Variants in CNRIP1 observed in about 807,000 individuals in gnomAD.
CNRIP1 encodes CB1 cannabinoid receptor-interacting protein 1.
A neutral mutation model predicts 15.2 loss-of-function variants in CNRIP1; 10 were observed. That is an observed-to-expected ratio of 0.66 (90% CI 0.41 to 1.12). The LOEUF (loss-of-function observed/expected upper bound fraction) is 1.12, where lower values mean the gene tolerates loss of function less well. Ranked by LOEUF, CNRIP1 falls within the 50% of genes most tolerant of loss-of-function variation. CNRIP1 has a pLI of 0.00. For synonymous variants in CNRIP1, 91 were observed against 83.2 expected, an observed-to-expected ratio of 1.09 and a Z score of -0.51; for missense variants, 211 against 214.7, an observed-to-expected ratio of 0.98 and a Z score of 0.11.
chr2:68,303,874 T>C (rs1288279592), intron 2 of CNRIP1, among the ~76,000 whole-genome samples: 2 of 152,046 alleles, frequency 1.3e-5, no homozygotes, highest in African/African-American at 4.8e-5. Context: ...GTCAGGAGTT[T>C]GAGACCAGCT....
At chr2:68,315,381 G>T (rs72904270) in intron 2 of CNRIP1, among the ~76,000 whole-genome samples, 169 of 152,208 alleles carry the variant, frequency 1.1e-3, no homozygotes, top group African/African-American at 3.9e-3. Context: ...AAATTGCCTA[G>T]CTTTTCTGGA....
chr2:68,317,297 T>C lies in CNRIP1; in HGVS notation c.190A>G (p.Ile64Val). ...TCCAGTGGGACAAGCACACCACCAA[T>C]GGAAATATTCCTGCAATAGACTTGA... Reference protein sequence around the residue: ...PSTLQVENISIGGVLVPLELK... With the variant: ...PSTLQVENISVGGVLVPLELK... Residue 64 changes from isoleucine to valine, a missense_variant, in exon 2 of 3, where the codon ATT becomes GTT. By Grantham distance (29) the Ile-to-Val change is conservative. Coordinates refer to ENST00000263655, the MANE Select transcript of CNRIP1 (RefSeq NM_015463.3). 1 of 1,613,972 alleles carries C rather than the reference T, an allele frequency of 6.2e-7. No homozygotes were observed. The highest frequency in any genetic ancestry group is 1.1e-5 in the South Asian group (1 of 91,084).
At chr2:68,291,583 GA>G (rs34991157), downstream of CNRIP1, among the ~76,000 whole-genome samples, 2,092 of 146,384 alleles carry the variant, frequency 0.014, 49 homozygotes, top group African/African-American at 0.048. Flanking sequence ...AGTTAAAAAA[GA>G]AAAAAAAAAG....
At chr2:68,317,076 C>G (rs891528695) in intron 2 of CNRIP1, 81 bp downstream of exon 2, 1 of 1,550,852 alleles carries the variant, frequency 6.4e-7, no homozygotes, top group African/African-American at 1.4e-5. Context: ...CCTTTTCTTA[C>G]AGAGAGATAG....
intron 2 of CNRIP1, among the ~76,000 whole-genome samples, chr2:68,294,546 C>T (rs78892337): frequency 0.034 from 5,095 of 152,032 alleles, 289 homozygotes; most frequent in African/African-American, 0.12. Context: ...AGGGGAATGG[C>T]GAAGGGAAGA....
intron 2 of CNRIP1, among the ~76,000 whole-genome samples, chr2:68,303,125 C>A (rs1332884848): frequency 6.6e-6 from 1 of 152,110 alleles, no homozygotes; most frequent in Non-Finnish European, 1.5e-5. Flanking sequence ...GGATTACAGG[C>A]GTGAGTCACC....
intron 2 of CNRIP1, among the ~76,000 whole-genome samples, chr2:68,301,663 G>A (rs185882279): frequency 1.3e-3 from 192 of 152,072 alleles, no homozygotes; most frequent in African/African-American, 4.2e-3. Flanking sequence ...AGGCCGAGGC[G>A]GGTGGATCAA....
intron 2 of CNRIP1, among the ~76,000 whole-genome samples, chr2:68,314,258 A>C (rs1253901504): frequency 6.6e-6 from 1 of 152,126 alleles, no homozygotes; most frequent in Admixed American, 6.5e-5. Context: ...CCTGATATAC[A>C]GGAAATCCTC....
chr2:68,287,430 A>G lies in CNRIP1; in HGVS notation c.331-2946T>C, dbSNP rs80062003. On this transcript the variant is annotated intron_variant, in intron 2 of 2. Transcript: ENST00000409559. ...AAATGTTAACTGTGAAATTCAGGTG[A>G]TAGATATGGGAATGTGTGTTATGCA... Among the ~76,000 whole-genome samples, 569 of 152,364 alleles carry G rather than the reference A, an allele frequency of 3.7e-3. 4 individuals carry two copies. Among genetic ancestry groups the G allele is most frequent in the African/African-American group, 0.013 (547 of 41,584 alleles).
intron 2 of CNRIP1, chr2:68,316,061 G>A (rs1167568679): frequency 6.6e-6 from 1 of 152,140 alleles, no homozygotes; most frequent in Non-Finnish European, 1.5e-5. Context: ...TCAAACATTG[G>A]ATGCAAAGGG....
At position 68,318,908 on chromosome 2, in the gene CNRIP1, C is replaced by T. The variant is rs532180327; in HGVS notation, c.179+314G>A. The stretch of plus-strand genomic sequence containing the variant: ...CACCCCGACCGCCTGCGGTTCCGCG[C>T]CCAAGGCTGGACAGAAGGCAGGAGA... On this transcript the variant is annotated intron_variant, in intron 1 of 2. Coordinates refer to ENST00000263655, the MANE Select transcript of CNRIP1 (RefSeq NM_015463.3). Among the ~76,000 whole-genome samples the T allele has an allele frequency of 4.4e-4, 67 of 152,386 alleles. 1 individual carries two copies. The highest frequency in any genetic ancestry group is 1.6e-3 in the African/African-American group (66 of 41,594).
At chr2:68,318,692 C>T (rs1329536821) in intron 1 of CNRIP1, among the ~76,000 whole-genome samples, 2 of 152,236 alleles carry the variant, frequency 1.3e-5, no homozygotes, top group Admixed American at 6.5e-5. Context: ...AGGGTCCCAG[C>T]CACTGAATGG....
downstream of CNRIP1, among the ~76,000 whole-genome samples, chr2:68,292,617 T>G (rs1035629158): frequency 2.0e-5 from 3 of 152,188 alleles, no homozygotes; most frequent in Non-Finnish European, 4.4e-5. Flanking sequence ...ATCCTTAAAC[T>G]GTATGGTATA....
At chr2:68,298,747 C>T (rs1415870293) in intron 2 of CNRIP1, among the ~76,000 whole-genome samples, 1 of 152,150 alleles carries the variant, frequency 6.6e-6, no homozygotes, top group Non-Finnish European at 1.5e-5. Flanking sequence ...TCTCATTAGC[C>T]GTCTTCCTAT....
downstream of CNRIP1, among the ~76,000 whole-genome samples, chr2:68,288,495 G>A (rs534597230): frequency 1.6e-4 from 24 of 152,236 alleles, no homozygotes; most frequent in African/African-American, 5.5e-4. Context: ...AAGTACTAGC[G>A]TAGGGCCAAA....
At chr2:68,284,557 A>C in intron 2 of CNRIP1, 1 of 986,088 alleles carries the variant, frequency 1.0e-6, no homozygotes, top group Non-Finnish European at 1.5e-6. Flanking sequence ...CACGCCCGTA[A>C]TCCCAGCACT....
chr2:68,317,390 A>G, intron 1 of CNRIP1, 83 bp from the exon 2 acceptor site: 2 of 1,475,526 alleles, frequency 1.4e-6, no homozygotes, highest in Non-Finnish European at 1.9e-6. Flanking sequence ...TCTAGGCAGG[A>G]AACTTACAGG....
At chr2:68,290,947 C>G (rs535114600), downstream of CNRIP1, among the ~76,000 whole-genome samples, 1 of 152,214 alleles carries the variant, frequency 6.6e-6, no homozygotes, top group African/African-American at 2.4e-5. Context: ...TCTGGGTAGC[C>G]ATCTGATGCT....
At chr2:68,291,544 A>C (rs1671168643), downstream of CNRIP1, among the ~76,000 whole-genome samples, 1 of 151,772 alleles carries the variant, frequency 6.6e-6, no homozygotes, top group South Asian at 2.1e-4. Flanking sequence ...GTCTGCTTTG[A>C]CTCATTTCAA....
Sources: gnomAD v4.1 joint callset for allele counts (sites outside exome capture counted in the v4.1 genomes callset) on GRCh38, gnomAD v4.1.1 for gene constraint, MANE v1.5 for transcripts, NCBI Gene and HGNC (gene_info 2026-07-23, HGNC 2026-07-21) for gene names.